Variants in DNAH17 observed in about 807,000 individuals in gnomAD.
The protein encoded by DNAH17 is axonemal beta dynein heavy chain 17.
A neutral mutation model predicts 485.6 loss-of-function variants in DNAH17; 376 were observed. That is an observed-to-expected ratio of 0.77 (90% CI 0.71 to 0.84). The LOEUF is 0.84. Among genes scored for constraint, DNAH17 ranks in the 40% least tolerant of loss-of-function variants. The pLI, the probability that DNAH17 is intolerant of heterozygous loss-of-function variation, is 0.00. For synonymous variants in DNAH17, 3,031 were observed against 2,405.9 expected (o/e 1.26, Z -7.60); for missense variants, 6,370 against 5,839.3 (o/e 1.09, Z -2.96).
chr17:78,478,107 C>T (rs201518629), intron 51 of DNAH17, among the ~76,000 whole-genome samples: 84 of 93,578 alleles, frequency 9.0e-4, no homozygotes, highest in Admixed American at 1.4e-3. Flanking sequence ...CCATCATCAT[C>T]ATCTCCACCA....
rs746477353 is a variant in DNAH17 at position 78,458,705 on chromosome 17, CT to C, written c.9862-26del. 3.1e-5 allele frequency: 50 copies of C among 1,594,954 alleles called. No individual in the cohort carries two copies. The African/African-American group carries it at 5.9e-4, about 19-fold the overall frequency. ...CCTGCAAAACCAAGTTGGAAAGCTGCTGGAAAACCCCACGAGGCATCTCTAG... is the reference window on the plus strand; with the variant it reads ...CCTGCAAAACCAAGTTGGAAAGCTGCGGAAAACCCCACGAGGCATCTCTAG... On this transcript the variant is annotated intron_variant, in intron 61 of 80. Transcript: ENST00000389840.
At chr17:78,438,126 G>A (rs919621129) in intron 73 of DNAH17, among the ~76,000 whole-genome samples, 7 of 151,846 alleles carry the variant, frequency 4.6e-5, no homozygotes, top group South Asian at 2.1e-4. Flanking sequence ...CCAGCCTTAC[G>A]GTGAGTCCTT....
intron 16 of DNAH17, among the ~76,000 whole-genome samples, chr17:78,548,030 G>A (rs146536067): frequency 4.9e-4 from 75 of 152,088 alleles, no homozygotes; most frequent in East Asian, 2.9e-3. Context: ...ATTGTCCTCC[G>A]TTTAATATAT....
rs2091171731 is a variant in DNAH17 at position 78,529,518 on chromosome 17, T to C, written c.3461A>G (p.Lys1154Arg). The C allele has an allele frequency of 6.2e-7, 1 of 1,613,864 alleles. No homozygotes were observed. The highest frequency in any genetic ancestry group is 1.3e-5 in the African/African-American group (1 of 74,918). ...EPLKQTIELLKTYGEEMPEEI... is the reference protein window; with the variant it reads ...EPLKQTIELLRTYGEEMPEEI... The stretch of plus-strand genomic sequence containing the variant: ...CTCTGGCATCTCCTCCCCGTAGGTC[T>C]TGAGCAGCTCGATGGTTTGCTTCAG... Residue 1154 changes from lysine to arginine, a missense_variant, in exon 22 of 81, where the codon AAG (lysine) becomes AGG (arginine). Physicochemically the swap from Lys to Arg is conservative, Grantham distance 26. Coordinates refer to ENST00000389840, the MANE Select transcript of DNAH17 (RefSeq NM_173628.4).
intron 11 of DNAH17, among the ~76,000 whole-genome samples, chr17:78,565,610 A>C (rs969099191): frequency 2.6e-5 from 4 of 152,208 alleles, no homozygotes; most frequent in Admixed American, 1.3e-4. Context: ...GAAGCAGTCA[A>C]GCCCAGAACT....
At chr17:78,528,611 G>A (rs1474251857) in intron 22 of DNAH17, among the ~76,000 whole-genome samples, 1 of 151,998 alleles carries the variant, frequency 6.6e-6, no homozygotes, top group Non-Finnish European at 1.5e-5. Context: ...GACGGGCTGG[G>A]AGGAGTTGGA....
intron 73 of DNAH17, 49 bp downstream of exon 73, chr17:78,439,041 C>T: frequency 6.3e-7 from 1 of 1,589,736 alleles, no homozygotes; most frequent in South Asian, 1.1e-5. Context: ...TCCCCATTGG[C>T]CACCTCAGTG....
At chr17:78,476,860 G>T in intron 51 of DNAH17, 127 bp from the exon 52 acceptor site, 2 of 1,156,782 alleles carry the variant, frequency 1.7e-6, no homozygotes, top group Non-Finnish European at 2.4e-6. Context: ...TGTTGGCACA[G>T]CATTCACTTG....
intron 37 of DNAH17, among the ~76,000 whole-genome samples, chr17:78,497,750 A>T (rs1011164656): frequency 2.0e-5 from 3 of 152,244 alleles, no homozygotes; most frequent in Admixed American, 6.5e-5. Flanking sequence ...TCCTGCTGGC[A>T]GACCTGTGTC....
At chr17:78,528,475 C>T (rs1676343537) in intron 22 of DNAH17, among the ~76,000 whole-genome samples, 1 of 152,094 alleles carries the variant, frequency 6.6e-6, no homozygotes, top group Admixed American at 6.5e-5. Context: ...AGGCCGGGGC[C>T]CCTCCCTCTT....
In DNAH17 at chr17:78,484,881, C is replaced by G; in HGVS notation, c.7636G>C (p.Asp2546His). 3 of 1,568,432 alleles carry G rather than the reference C, an allele frequency of 1.9e-6. No homozygotes were observed. The highest frequency in any genetic ancestry group is 2.6e-6 in the Non-Finnish European group (3 of 1,156,740). The change falls in exon 48 of 81, where the codon GAC becomes CAC. Residue 2546 changes from aspartate to histidine, a missense_variant. Physicochemically the swap from Asp to His is moderately conservative, Grantham distance 81 (BLOSUM62 -1). Transcript: ENST00000389840. The part of the protein sequence containing the change: ...APHTLIRQHM[D>H]HRHWYDRHKL... Reference sequence around the variant, plus strand: ...GCCCCGTCTAACCAGTGCCGGTGGTCCATGTGCTGCCGGATGAGGGTGTGC... The same window carrying G: ...GCCCCGTCTAACCAGTGCCGGTGGTGCATGTGCTGCCGGATGAGGGTGTGC...
Position 78,495,886 on chromosome 17 carries a change from T to C in DNAH17, c.5892A>G (p.Lys1964=). ...CCTGGGCCACGTACCTGAATAAGGC[T>C]TTTAGGTTCTCAGGCAGCTCCGCGC... ...AGRAELPENL[K]ALFRPCAMVV... The change falls in exon 38 of 81, where the codon AAA becomes AAG. Residue 1964 remains lysine (K), a synonymous_variant. Transcript: ENST00000389840. 1 of 1,613,398 alleles carries C rather than the reference T, an allele frequency of 6.2e-7. No homozygotes were observed. The highest frequency in any genetic ancestry group is 8.5e-7 in the Non-Finnish European group (1 of 1,179,596).
At chr17:78,513,171 T>C (rs976023358) in intron 26 of DNAH17, among the ~76,000 whole-genome samples, 38 of 152,114 alleles carry the variant, frequency 2.5e-4, no homozygotes, top group Admixed American at 2.0e-3. Flanking sequence ...GGAAGGAGGC[T>C]GGGGGACAGG....
intron 25 of DNAH17, among the ~76,000 whole-genome samples, chr17:78,520,532 AAAAC>A (rs763809741): frequency 1.0e-3 from 153 of 152,356 alleles, no homozygotes; most frequent in Non-Finnish European, 1.0e-3. Flanking sequence ...CCACAAGAGA[AAAAC>A]AAACACATAA....
chr17:78,505,822 T>G (rs147708705), intron 30 of DNAH17, among the ~76,000 whole-genome samples: 125 of 151,988 alleles, frequency 8.2e-4, no homozygotes, highest in Non-Finnish European at 1.3e-3. Context: ...CTACTAAAAA[T>G]ACAAACTTAG....
intron 75 of DNAH17, 67 bp downstream of exon 75, chr17:78,433,962 A>ACGG: frequency 7.7e-7 from 1 of 1,303,770 alleles, no homozygotes; most frequent in Non-Finnish European, 1.0e-6. Context: ...GGAGGGAGGG[A>ACGG]AGGAGGGAGG....
Position 78,486,299 on chromosome 17 carries a change from G to A in DNAH17, c.7026C>T (p.Ser2342=). Residue 2342 remains serine (S), a synonymous_variant, in exon 45 of 81, where the codon TCC becomes TCT. Transcript: ENST00000389840. ...AGTACAGCTCGTACAGCTCCCTGGG[G>A]GAGTCGGGGGGCACGGTCTTCTCCG... ...LLTEKTVPPD[S]PRELYELYFV... is the part of the protein sequence containing the mutation. 1 of 1,612,814 alleles carries A rather than the reference G, an allele frequency of 6.2e-7. No homozygotes were observed. Among genetic ancestry groups the A allele is most frequent in the Non-Finnish European group, 8.5e-7 (1 of 1,178,978 alleles).
At chr17:78,526,054 G>A (rs1454945801) in intron 24 of DNAH17, among the ~76,000 whole-genome samples, 2 of 152,230 alleles carry the variant, frequency 1.3e-5, no homozygotes, top group Non-Finnish European at 2.9e-5. Flanking sequence ...TGGGCCCCAA[G>A]AGGCCCCCCT....
intron 25 of DNAH17, among the ~76,000 whole-genome samples, chr17:78,518,733 C>T (rs1186448883): frequency 6.6e-6 from 1 of 152,146 alleles, no homozygotes; most frequent in Non-Finnish European, 1.5e-5. Context: ...TTCCCCCAGA[C>T]AGACTATATC....
Sources: gnomAD v4.1 joint callset for allele counts (sites outside exome capture counted in the v4.1 genomes callset) on GRCh38, gnomAD v4.1.1 for gene constraint, MANE v1.5 for transcripts, NCBI Gene and HGNC (gene_info 2026-07-23, HGNC 2026-07-21) for gene names.